Variants in LPA observed in about 807,000 individuals in gnomAD.
LPA encodes lipoprotein(a).
A neutral mutation model predicts 197.9 loss-of-function variants in LPA; 199 were observed. The ratio of observed to expected loss-of-function variants is 1.01; its 90% CI spans 0.90 to 1.13. The LOEUF is 1.13. LPA is among the 50% of genes most tolerant of loss of function. The pLI is 0.00. For missense variants in LPA, 1,853 were observed against 1,785.8 expected (o/e 1.04, Z -0.68); for synonymous variants, 715 against 639.5 (o/e 1.12, Z -1.78).
intron 30 of LPA, among the ~76,000 whole-genome samples, chr6:160,551,277 T>A (rs1246416176): frequency 6.6e-6 from 1 of 152,220 alleles, no homozygotes; most frequent in African/African-American, 2.4e-5. Flanking sequence ...TTATAACTCT[T>A]TATTTTTCAT....
At chr6:160,547,561 A>G (rs1681294107) in intron 32 of LPA, among the ~76,000 whole-genome samples, 6 of 152,168 alleles carry the variant, frequency 3.9e-5, no homozygotes, top group Admixed American at 3.9e-4. Flanking sequence ...AGCACTAGAA[A>G]CGAGAAACAG....
intron 16 of LPA, among the ~76,000 whole-genome samples, chr6:160,607,349 T>A (rs561993659): frequency 1.3e-5 from 2 of 152,140 alleles, no homozygotes; most frequent in South Asian, 4.1e-4. Flanking sequence ...ATCTCTAGAA[T>A]GGGTTCCTGG....
chr6:160,643,192 C>A (rs1779871366), intron 4 of LPA, among the ~76,000 whole-genome samples: 1 of 145,580 alleles, frequency 6.9e-6, no homozygotes, highest in Non-Finnish European at 1.5e-5. Context: ...ATCAGCCGGC[C>A]ATACAGTAAT....
chr6:160,633,693 T>G, intron 8 of LPA, 60 bp downstream of exon 8: 1 of 1,199,072 alleles, frequency 8.3e-7, no homozygotes, highest in Non-Finnish European at 1.1e-6. Context: ...GAGACACATC[T>G]CTTGTAACAG....
intron 33 of LPA, among the ~76,000 whole-genome samples, chr6:160,544,576 C>A (rs1778033666): frequency 2.0e-5 from 3 of 152,148 alleles, no homozygotes; most frequent in African/African-American, 4.8e-5. Flanking sequence ...CCTCCCCAGG[C>A]AATCTCAGGA....
chr6:160,662,449 T>C (rs9365201), intron 1 of LPA, among the ~76,000 whole-genome samples: 75,940 of 152,000 alleles, frequency 0.5, 19,300 homozygotes, highest in Non-Finnish European at 0.55. Flanking sequence ...CCAGCACACA[T>C]TGGAAAGATA....
intron 28 of LPA, among the ~76,000 whole-genome samples, chr6:160,559,302 T>C (rs1778323449): frequency 6.6e-6 from 1 of 152,252 alleles, no homozygotes; most frequent in Non-Finnish European, 1.5e-5. Flanking sequence ...AGAATATACA[T>C]GGCTTCTTTC....
chr6:160,548,753 A>G, intron 30 of LPA, 94 bp from the exon 31 acceptor site: 1 of 1,323,068 alleles, frequency 7.6e-7, no homozygotes, highest in Non-Finnish European at 1.1e-6. Flanking sequence ...AAGTCTTAAC[A>G]AGTGTCTTTG....
At chr6:160,609,203 T>C (rs907065459) in intron 16 of LPA, among the ~76,000 whole-genome samples, 15 of 152,162 alleles carry the variant, frequency 9.9e-5, no homozygotes, top group African/African-American at 3.4e-4. Context: ...AGCCTGCTGA[T>C]TCCAAAGTCT....
intron 32 of LPA, 106 bp downstream of exon 32, chr6:160,547,683 A>T: frequency 1.3e-6 from 2 of 1,518,754 alleles, no homozygotes; most frequent in Admixed American, 3.4e-5. Flanking sequence ...GCTAAGGCTA[A>T]TTACGCTTAG....
At chr6:160,611,128 C>T (rs1429800099) in intron 16 of LPA, among the ~76,000 whole-genome samples, 1 of 152,102 alleles carries the variant, frequency 6.6e-6, no homozygotes, top group African/African-American at 2.4e-5. Flanking sequence ...AGAAACAGAT[C>T]AATTCACCTG....
At chr6:160,553,937 C>CTGTGTGTGTGTGTGTGTGTGTGTGTGTG (rs59853609) in intron 30 of LPA, among the ~76,000 whole-genome samples, 2 of 139,066 alleles carry the variant, frequency 1.4e-5, no homozygotes, top group Non-Finnish European at 3.1e-5. Flanking sequence ...CTCTCTCTCT[C>CTGTGTGTGTGTGTGTGTGTGTGTGTGTG]TGTGTGTGTG....
At chr6:160,658,350 A>G (rs1780165826) in intron 1 of LPA, among the ~76,000 whole-genome samples, 2 of 152,288 alleles carry the variant, frequency 1.3e-5, no homozygotes, top group South Asian at 2.1e-4. Context: ...AGCTACTCGC[A>G]TGATAACAGC....
chr6:160,548,433 C>T (rs1778110882), intron 31 of LPA, 45 bp downstream of exon 31: 2 of 1,592,708 alleles, frequency 1.3e-6, no homozygotes, highest in South Asian at 1.1e-5. Context: ...TGTCCAAGCA[C>T]ATAGAGAGGT....
Position 160,531,791 on chromosome 6 carries a change from C to T in LPA, c.6061G>A (p.Gly2021Ser), listed in dbSNP as rs759385878. The stretch of plus-strand genomic sequence containing the variant: ...AACCTTGAAACACGAGCATAGACAC[C>T]AGGCTTATTGGGGCGTGCACAGCCA... ...GLGCARPNKP[G>S]VYARVSRFVT... The change falls in exon 39 of 39, where the codon GGT (glycine) becomes AGT (serine). Residue 2021 changes from glycine to serine, a missense_variant. Around this residue, in one of 3 missense-constraint regions of LPA, gnomAD observed 1,737 missense variants for 1,504.4 expected, o/e 1.15. Coordinates refer to ENST00000316300, the MANE Select transcript of LPA (RefSeq NM_005577.4). 6.8e-6 allele frequency: 11 copies of T among 1,614,134 alleles called. No individual in the cohort carries two copies. The highest frequency in any genetic ancestry group is 9.3e-6 in the Non-Finnish European group (11 of 1,180,004).
chr6:160,561,727 G>T (rs1778365937), intron 28 of LPA, among the ~76,000 whole-genome samples: 1 of 152,234 alleles, frequency 6.6e-6, no homozygotes, highest in South Asian at 2.1e-4. Context: ...CCATTTGTTT[G>T]TGTCCTATCT....
chr6:160,576,017 A>G, intron 28 of LPA, among the ~76,000 whole-genome samples: 1 of 152,068 alleles, frequency 6.6e-6, no homozygotes, highest in South Asian at 2.1e-4. Flanking sequence ...TCAATCCATG[A>G]TGAAATACAG....
intron 23 of LPA, 117 bp downstream of exon 23, chr6:160,590,827 C>T: frequency 4.2e-6 from 6 of 1,411,962 alleles, no homozygotes; most frequent in Non-Finnish European, 5.9e-6. Flanking sequence ...CATTGGCTGA[C>T]CCTGAGTCCA....
chr6:160,557,471 G>A lies in LPA; in HGVS notation c.4732C>T (p.Gln1578Ter). Reference sequence around the variant, plus strand: ...ACACCTGATTCTGTTTCTGAGCATTGTGTCAGATTGCAGTACTCCCACCTC... The same window carrying A: ...ACACCTGATTCTGTTTCTGAGCATTATGTCAGATTGCAGTACTCCCACCTC... ...CVRWEYCNLT[Q>*]CSETESGVLE... The change falls in exon 29 of 39, where the codon CAA becomes TAA. Residue 1578 changes from glutamine to a stop codon, truncating the protein, a stop_gained. Coordinates refer to ENST00000316300, the MANE Select transcript of LPA (RefSeq NM_005577.4). LOFTEE classifies it high-confidence loss of function. The A allele has an allele frequency of 1.2e-6, 2 of 1,614,040 alleles. No homozygotes were observed. The highest frequency in any genetic ancestry group is 1.7e-6 in the Non-Finnish European group (2 of 1,179,970).
Sources: allele counts gnomAD v4.1 joint callset (sites outside exome capture counted in the v4.1 genomes callset), GRCh38; gene constraint gnomAD v4.1.1; regional missense constraint gnomAD v4.1.1; transcripts MANE v1.5; gene names NCBI Gene and HGNC (gene_info 2026-07-23, HGNC 2026-07-21).